RTL9: variants seen among roughly 807,000 people sequenced by gnomAD.
The protein encoded by RTL9 is retrotransposon Gag like 9, also known as retrotransposon Gag-like protein 9.
In RTL9, 19 loss-of-function variants were observed where a neutral mutation model predicts 44.7. That is an observed-to-expected ratio of 0.42 (90% confidence interval 0.30 to 0.62). RTL9 has a LOEUF of 0.62. Among genes scored for constraint, RTL9 ranks in the 20% least tolerant of loss-of-function variants. RTL9 has a pLI of 0.16. For missense variants in RTL9, 1,105 were observed against 1,080.6 expected (o/e 1.02, Z -0.32); for synonymous variants, 407 against 398.9 (o/e 1.02, Z -0.24).
chrX:110,435,667 T>C lies in RTL9; in HGVS notation c.-167-9486T>C, dbSNP rs192787809. ...CCAGAAATATTTATCTAGAATGGCC[T>C]TGGTCTCTGACACCTTGAGGACTTC... On this transcript the variant is annotated intron_variant, in intron 1 of 3. Transcript: ENST00000465301. Among the ~76,000 whole-genome samples the C allele has an allele frequency of 5.4e-3, 605 of 112,015 alleles. 3 individuals are homozygous for C. The highest frequency in any genetic ancestry group is 0.018 in the African/African-American group (554 of 30,821).
chrX:110,364,926 A>T (rs1318572215), intron 1 of RTL9, among the ~76,000 whole-genome samples: 1 of 112,197 alleles, frequency 8.9e-6, no homozygotes. Flanking sequence ...TCCCTGCATC[A>T]GGTCACAAGG....
chrX:110,430,454 C>A (rs924492154), intron 1 of RTL9, among the ~76,000 whole-genome samples: 12 of 112,465 alleles, frequency 1.1e-4, no homozygotes, highest in African/African-American at 3.9e-4. Context: ...CAGACTCAGA[C>A]AGGCTGAATA....
At position 110,453,120 on chromosome X, in the gene RTL9, C is replaced by T. The variant is rs1445476645; in HGVS notation, c.2503C>T (p.Pro835Ser). The change falls in exon 1 of 2, where the codon CCA becomes TCA. Residue 835 changes from proline to serine, a missense_variant. Pro to Ser is a moderately conservative substitution (Grantham distance 74). Transcript: ENST00000540313. Reference sequence around the variant, plus strand: ...AGCCTCTGGAATGATGTCATCCATGCCACAAGTGAAGGCTCCCATCTCTGG... The same window carrying T: ...AGCCTCTGGAATGATGTCATCCATGTCACAAGTGAAGGCTCCCATCTCTGG... 3.3e-6 allele frequency: 4 copies of T among 1,211,353 alleles called. No individual in the cohort carries two copies. In the South Asian group the frequency reaches 7.0e-5, roughly 21 times the overall value.
At chrX:110,386,626 G>A (rs1044386687) in intron 1 of RTL9, among the ~76,000 whole-genome samples, 1 of 111,508 alleles carries the variant, frequency 9.0e-6, no homozygotes, top group Non-Finnish European at 1.9e-5. Context: ...GTCATTCTGT[G>A]TAATTTTTTT....
In RTL9 at chrX:110,454,221, A is replaced by C. The variant is rs1351750531; in HGVS notation, c.3604A>C (p.Ile1202Leu). Reference sequence around the variant, plus strand: ...TCTGGGAGCAGCAGAGAGGTGGTTCATCTTGCAAATGGAGGTAGGAGAACC... The same window carrying C: ...TCTGGGAGCAGCAGAGAGGTGGTTCCTCTTGCAAATGGAGGTAGGAGAACC... The change falls in exon 1 of 2, where the codon ATC (isoleucine) becomes CTC (leucine). Residue 1202 changes from isoleucine to leucine, a missense_variant. Physicochemically the swap from Ile to Leu is conservative, Grantham distance 5. Transcript: ENST00000540313. 3.7e-5 allele frequency: 45 copies of C among 1,212,043 alleles called. No individual in the cohort carries two copies. In the East Asian group the frequency reaches 1.3e-3, roughly 35 times the overall value.
chrX:110,364,239 C>A (rs1039502289), intron 1 of RTL9, among the ~76,000 whole-genome samples: 2 of 111,832 alleles, frequency 1.8e-5, no homozygotes, highest in African/African-American at 6.5e-5. Context: ...TATAAGGACA[C>A]TTATCATTGG....
upstream of RTL9, among the ~76,000 whole-genome samples, chrX:110,447,700 A>G (rs997866384): frequency 1.8e-5 from 2 of 111,236 alleles, no homozygotes; most frequent in African/African-American, 3.3e-5. Context: ...TCGGAATTAT[A>G]TAATGCATAT....
intron 1 of RTL9, among the ~76,000 whole-genome samples, chrX:110,401,155 A>C (rs1348179011): frequency 8.9e-6 from 1 of 112,507 alleles, no homozygotes; most frequent in Non-Finnish European, 1.9e-5. Flanking sequence ...ATACATAGCA[A>C]GTAGGCTGCA....
chrX:110,359,782 C>A (rs969892934), intron 1 of RTL9, among the ~76,000 whole-genome samples: 9 of 111,673 alleles, frequency 8.1e-5, no homozygotes, highest in African/African-American at 2.9e-4. Context: ...AATAGCAGCA[C>A]ATATACTAAG....
chrX:110,451,126 C>T lies in RTL9; in HGVS notation c.509C>T (p.Pro170Leu), dbSNP rs942562852. The T allele has an allele frequency of 4.1e-6, 5 of 1,210,782 alleles. No homozygotes were observed. In the African/African-American group the frequency reaches 8.7e-5, roughly 21 times the overall value. Residue 170 changes from proline (P) to leucine (L), a missense_variant, in exon 1 of 2, where the codon CCA becomes CTA. Coordinates refer to ENST00000540313, the Ensembl canonical transcript of RTL9. ...GCAGAGATATCACCATTGGCAATGC[C>T]AGCTCCATCCTCTGGAGTGGTGTGT...
chrX:110,452,820 C>T, exon 1 of RTL9: 2 of 1,211,772 alleles, frequency 1.7e-6, no homozygotes, highest in Non-Finnish European at 2.2e-6. Flanking sequence ...GTCCATGTCG[C>T]CCATGAAGTC....
chrX:110,372,963 G>C (rs1235264690), intron 1 of RTL9, among the ~76,000 whole-genome samples: 1 of 111,976 alleles, frequency 8.9e-6, no homozygotes, highest in Non-Finnish European at 1.9e-5. Flanking sequence ...TTATTTAAAA[G>C]CAGATTTCCC....
chrX:110,390,343 CAA>C (rs1392478955), intron 1 of RTL9, among the ~76,000 whole-genome samples: 1 of 111,632 alleles, frequency 9.0e-6, no homozygotes, highest in African/African-American at 3.3e-5. Flanking sequence ...TTTTAAATTT[CAA>C]AGTGAAAATA....
Position 110,378,008 on chromosome X carries a change from C to CAAAAAA in RTL9, c.-168+19111_-168+19116dup, listed in dbSNP as rs755483656. ...TGGGCGACAGAGCGAGACTCCGTCT[C>CAAAAAA]AAAAAAAAAAAAAAAAAAAAAAAAT... On this transcript the variant is annotated intron_variant, in intron 1 of 2. Transcript: ENST00000520821. Among the ~76,000 whole-genome samples the CAAAAAA allele has an allele frequency of 4.6e-3, 141 of 30,918 alleles. 4 individuals carry two copies. Among genetic ancestry groups the CAAAAAA allele is most frequent in the African/African-American group, 0.016 (117 of 7,217 alleles). 26.8% of individuals were successfully genotyped at this position (30,918 alleles called of 115,157 possible). A position where few individuals can be genotyped will look rare whatever the true frequency, so the allele number is the denominator to read the frequency against.
chrX:110,451,505 C>G lies in RTL9; in HGVS notation c.888C>G (p.Thr296=), dbSNP rs911288716. 7.4e-6 allele frequency: 9 copies of G among 1,211,924 alleles called. No individual in the cohort carries two copies. Among genetic ancestry groups the G allele is most frequent in the Middle Eastern group, 2.3e-4 (1 of 4,355 alleles). Residue 296 remains threonine (T), a synonymous_variant, in exon 1 of 2, where the codon ACC becomes ACG. Coordinates refer to ENST00000540313, the Ensembl canonical transcript of RTL9. ...CCCAAAACTCTGGGGGAATACCTAC[C>G]CCGCTCATGTCAGATCTAGACTCTG...
chrX:110,382,148 C>A, intron 1 of RTL9, among the ~76,000 whole-genome samples: 1 of 112,054 alleles, frequency 8.9e-6, no homozygotes. Flanking sequence ...GGTCAGAATT[C>A]TCTCTTTGTT....
At chrX:110,447,332 G>A (rs1048109803), upstream of RTL9, among the ~76,000 whole-genome samples, 5 of 108,688 alleles carry the variant, frequency 4.6e-5, no homozygotes, top group Non-Finnish European at 1.9e-5. Context: ...GATAATGCTG[G>A]TGAAGCCCTC....
intron 1 of RTL9, among the ~76,000 whole-genome samples, chrX:110,429,180 G>T (rs759435725): frequency 8.9e-6 from 1 of 111,755 alleles, no homozygotes; most frequent in African/African-American, 3.3e-5. Context: ...TTTTATATGT[G>T]TGTAGTCTTG....
chrX:110,408,524 A>G (rs755473678), intron 1 of RTL9, among the ~76,000 whole-genome samples: 50 of 112,266 alleles, frequency 4.5e-4, no homozygotes, highest in Non-Finnish European at 8.8e-4. Flanking sequence ...AACTTTTACT[A>G]TAAATGTTTT....
Sources: allele counts gnomAD v4.1 joint callset (sites outside exome capture counted in the v4.1 genomes callset), GRCh38; gene constraint gnomAD v4.1.1; transcripts MANE v1.5; gene names NCBI Gene and HGNC (gene_info 2026-07-23, HGNC 2026-07-21).